OVCH1: variants seen among roughly 807,000 people sequenced by gnomAD.
OVCH1 encodes ovochymase 1.
A neutral mutation model predicts 138.4 loss-of-function variants in OVCH1; 139 were observed. The observed-to-expected ratio is 1.00, with a 90% CI of 0.87 to 1.16. The LOEUF (loss-of-function observed/expected upper bound fraction) is 1.16. OVCH1 is among the 50% of genes most tolerant of loss of function. The probability of loss-of-function intolerance (pLI) is 0.00; values close to 1 mark genes in which losing one functional copy is unlikely to be tolerated. For missense variants in OVCH1, 1,367 were observed against 1,357.9 expected (o/e 1.01, Z -0.11); for synonymous variants, 453 against 467.8 (o/e 0.97, Z 0.41).
chr12:29,451,363 T>C, exon 22 of OVCH1: 1 of 1,612,696 alleles, frequency 6.2e-7, no homozygotes, highest in Non-Finnish European at 8.5e-7. Context: ...TTTCTCTTAC[T>C]GTGTCTTTCT....
chr12:29,429,204 C>T (rs1359313216), intron 27 of OVCH1, among the ~76,000 whole-genome samples: 2 of 152,274 alleles, frequency 1.3e-5, no homozygotes, highest in East Asian at 3.9e-4. Flanking sequence ...AAAAAAGTTA[C>T]CATCTAAAAA....
chr12:29,448,894 C>T (rs995713419), intron 22 of OVCH1, among the ~76,000 whole-genome samples: 27 of 152,042 alleles, frequency 1.8e-4, no homozygotes, highest in Non-Finnish European at 2.9e-5. Context: ...CAATGACATA[C>T]ACAAATTTAT....
At chr12:29,436,188 T>C (rs1941355856) in intron 26 of OVCH1, among the ~76,000 whole-genome samples, 1 of 152,046 alleles carries the variant, frequency 6.6e-6, no homozygotes, top group African/African-American at 2.4e-5. Context: ...ATTTTCCATT[T>C]TGGCCACTAT....
intron 5 of OVCH1, among the ~76,000 whole-genome samples, chr12:29,490,728 A>T (rs1179449109): frequency 6.6e-6 from 1 of 152,160 alleles, no homozygotes; most frequent in Non-Finnish European, 1.5e-5. Context: ...CTCAAATTCC[A>T]GGTAATCACC....
At chr12:29,491,433 CT>C (rs1384873807) in intron 4 of OVCH1, among the ~76,000 whole-genome samples, 2 of 152,182 alleles carry the variant, frequency 1.3e-5, no homozygotes, top group South Asian at 4.1e-4. Flanking sequence ...CACGAGCCCC[CT>C]AATGTACTAA....
intron 26 of OVCH1, chr12:29,439,191 C>T: frequency 1.5e-6 from 1 of 657,096 alleles, no homozygotes. Context: ...CAATATGCCA[C>T]CCCTAGAAGC....
exon 5 of OVCH1, chr12:29,491,111 C>T (rs771403255): frequency 6.2e-7 from 1 of 1,613,384 alleles, no homozygotes; most frequent in Admixed American, 1.7e-5. Context: ...GGAAATCTTG[C>T]CCCATCCACT....
intron 3 of OVCH1, among the ~76,000 whole-genome samples, chr12:29,416,660 GC>G (rs1941034767): frequency 6.6e-6 from 1 of 152,180 alleles, no homozygotes. Context: ...AATGGCAAAT[GC>G]TAGTGAGGAT....
downstream of OVCH1, among the ~76,000 whole-genome samples, chr12:29,422,741 C>T (rs1941123158): frequency 6.6e-6 from 1 of 152,066 alleles, no homozygotes; most frequent in African/African-American, 2.4e-5. Context: ...ACATGTTCAG[C>T]TAATCTATTC....
chr12:29,464,361 G>T, intron 18 of OVCH1, 146 bp downstream of exon 18: 1 of 919,220 alleles, frequency 1.1e-6, no homozygotes, highest in Non-Finnish European at 1.7e-6. Flanking sequence ...CTATTTACTT[G>T]CTGATCTGTT....
In OVCH1 at chr12:29,435,459, T is replaced by C. The variant is rs1433397741; in HGVS notation, c.3265-1646A>G. ...TCGGCTCACCACAAGCTCCTCCTTC[T>C]GGGTTCACGCCATTCTCCTGCCTCA... On this transcript the variant is annotated intron_variant, in intron 26 of 27. Transcript: ENST00000318184. Among the ~76,000 whole-genome samples, 6 of 152,180 alleles carry C rather than the reference T, an allele frequency of 3.9e-5. No individual in the cohort carries two copies. The East Asian group carries it at 1.2e-3, about 30-fold the overall frequency.
chr12:29,450,593 T>C (rs1259551397), intron 22 of OVCH1, among the ~76,000 whole-genome samples: 2 of 152,220 alleles, frequency 1.3e-5, no homozygotes, highest in Non-Finnish European at 2.9e-5. Context: ...TCAACCATTG[T>C]AGAATACAGT....
At chr12:29,459,548 GA>G (rs1219797138) in intron 19 of OVCH1, among the ~76,000 whole-genome samples, 3 of 151,906 alleles carry the variant, frequency 2.0e-5, no homozygotes, top group Non-Finnish European at 4.4e-5. Flanking sequence ...AAAATAGAAT[GA>G]AAAAAATAGT....
chr12:29,454,854 ACTGT>A lies in OVCH1; in HGVS notation c.2513_2516del (p.Asp838ValfsTer13), dbSNP rs1941899792. ...AACATTTATTACCTGGCCAAGATGC[ACTGT>A]CTGGTGAAGGTGTGGGTGGTGGCAA... is the stretch of plus-strand genomic sequence containing the variant. On this transcript the variant is annotated frameshift_variant, in exon 21 of 28. Transcript: ENST00000318184. LOFTEE classifies it high-confidence loss of function. 1.2e-6 allele frequency: 2 copies of A among 1,609,524 alleles called. No individual in the cohort carries two copies. The highest frequency in any genetic ancestry group is 4.5e-5 in the East Asian group (2 of 44,828).
intron 9 of OVCH1, among the ~76,000 whole-genome samples, chr12:29,477,827 C>T (rs990438120): frequency 2.6e-5 from 4 of 152,216 alleles, no homozygotes; most frequent in Non-Finnish European, 5.9e-5. Context: ...TTGTTTTACA[C>T]CTTTGATTAC....
chr12:29,455,401 T>A, exon 20 of OVCH1: 1 of 1,599,290 alleles, frequency 6.3e-7, no homozygotes, highest in Non-Finnish European at 8.5e-7. Flanking sequence ...CCCACCAGAG[T>A]CTCCCTGAAA....
intron 16 of OVCH1, among the ~76,000 whole-genome samples, chr12:29,470,087 T>A (rs557632751): frequency 2.6e-5 from 4 of 152,098 alleles, no homozygotes; most frequent in Non-Finnish European, 5.9e-5. Flanking sequence ...TAAACTACAA[T>A]TGTTACATAA....
intron 14 of OVCH1, among the ~76,000 whole-genome samples, chr12:29,473,465 T>C (rs1160738425): frequency 6.6e-6 from 1 of 152,188 alleles, no homozygotes; most frequent in Non-Finnish European, 1.5e-5. Context: ...TACATGTAGA[T>C]GACTTCCAAA....
downstream of OVCH1, among the ~76,000 whole-genome samples, chr12:29,409,039 G>C (rs1940918915): frequency 6.6e-6 from 1 of 152,136 alleles, no homozygotes; most frequent in Non-Finnish European, 1.5e-5. Flanking sequence ...AGTCTTGGGA[G>C]AGTGTATGTG....
Sources: gnomAD v4.1 joint callset for allele counts (sites outside exome capture counted in the v4.1 genomes callset) on GRCh38, gnomAD v4.1.1 for gene constraint, MANE v1.5 for transcripts, NCBI Gene and HGNC (gene_info 2026-07-23, HGNC 2026-07-21) for gene names.